The following MAGI1 variants were observed in gnomAD, a reference collection of about 807,000 sequenced individuals.
MAGI1 encodes the protein membrane-associated guanylate kinase, WW and PDZ domain-containing protein 1.
MAGI1 carries 58 observed loss-of-function variants against 139.9 expected under a neutral mutation model. The ratio of observed to expected loss-of-function variants is 0.41; its 90% CI spans 0.34 to 0.52. MAGI1 has a LOEUF of 0.52. MAGI1 is among the 20% of genes least tolerant of loss of function. MAGI1 has a pLI of 0.12. For missense variants in MAGI1, 1,874 were observed against 1,901.6 expected (o/e 0.99, Z 0.27); for synonymous variants, 812 against 737.9 (o/e 1.10, Z -1.63).
intron 1 of MAGI1, among the ~76,000 whole-genome samples, chr3:65,842,796 G>C (rs1266702870): frequency 3.3e-5 from 5 of 152,170 alleles, no homozygotes; most frequent in Non-Finnish European, 7.3e-5. Context: ...GCTTCTCCTG[G>C]AAGGTGAAGT....
At chr3:65,688,484 C>A in intron 1 of MAGI1, 1 of 457,400 alleles carries the variant, frequency 2.2e-6, no homozygotes, top group African/African-American at 2.0e-5. Context: ...CCTTCACTCC[C>A]TTTCCTACCC....
intron 1 of MAGI1, among the ~76,000 whole-genome samples, chr3:65,894,754 C>T (rs1173963229): frequency 6.6e-6 from 1 of 152,168 alleles, no homozygotes; most frequent in African/African-American, 2.4e-5. Context: ...CCATCTGATG[C>T]CAAAACTAAA....
At position 65,381,899 on chromosome 3, in the gene MAGI1, C is replaced by T; in HGVS notation, c.2679G>A (p.Val893=). 2 of 1,613,376 alleles carry T rather than the reference C, an allele frequency of 1.2e-6. No homozygotes were observed. Among genetic ancestry groups the T allele is most frequent in the Non-Finnish European group, 1.7e-6 (2 of 1,179,630 alleles). The change falls in exon 16 of 23, where the codon GTG becomes GTA. Residue 893 remains valine (V), a synonymous_variant. Transcript: ENST00000402939. ...AAKQGHVNLT[V]RRKVVFAVPK... Reference sequence around the variant, plus strand: ...TACCCGCAAAAACCACTTTACGCCGCACCGTGAGATTGACGTGGCCTTGCT... The same window carrying T: ...TACCCGCAAAAACCACTTTACGCCGTACCGTGAGATTGACGTGGCCTTGCT...
At chr3:65,608,725 G>C (rs970900863) in intron 2 of MAGI1, among the ~76,000 whole-genome samples, 2 of 152,122 alleles carry the variant, frequency 1.3e-5, no homozygotes, top group African/African-American at 4.8e-5. Context: ...AAACTATTTG[G>C]CAATATTTAT....
At chr3:65,383,689 G>T in intron 14 of MAGI1, 66 bp from the exon 15 acceptor site, 1 of 953,420 alleles carries the variant, frequency 1.0e-6, no homozygotes. Context: ...CCCCCAAGAT[G>T]AACACAGTTG....
At chr3:65,568,984 GTT>G (rs1164555290) in intron 2 of MAGI1, among the ~76,000 whole-genome samples, 1 of 152,184 alleles carries the variant, frequency 6.6e-6, no homozygotes. Flanking sequence ...GCTGATAAAT[GTT>G]TTGTTTGGCT....
Position 65,587,190 on chromosome 3 carries a change from G to A in MAGI1, c.430+34782C>T, listed in dbSNP as rs534878292. Among the ~76,000 whole-genome samples, 59 of 152,270 alleles carry A rather than the reference G, an allele frequency of 3.9e-4. 1 individual carries two copies. The South Asian group carries it at 0.012, about 31-fold the overall frequency. ...CAGATGCTCCTCGACTCACTTTGGAGTTATGTCCCAATAAACCACTGGTTT... is the reference window on the plus strand; with the variant it reads ...CAGATGCTCCTCGACTCACTTTGGAATTATGTCCCAATAAACCACTGGTTT... On this transcript the variant is annotated intron_variant, in intron 2 of 22. Transcript: ENST00000402939.
At chr3:65,600,100 G>T (rs1052951026) in intron 2 of MAGI1, among the ~76,000 whole-genome samples, 1 of 152,088 alleles carries the variant, frequency 6.6e-6, no homozygotes, top group Non-Finnish European at 1.5e-5. Context: ...ACTTTCAAAA[G>T]CCTTTTGCCA....
intron 1 of MAGI1, among the ~76,000 whole-genome samples, chr3:65,850,145 T>TA (rs1440168115): frequency 2.6e-5 from 4 of 152,040 alleles, no homozygotes; most frequent in Admixed American, 6.6e-5. Flanking sequence ...TTTATATATA[T>TA]AAAAAAATAG....
chr3:65,713,583 C>T (rs2031798747), intron 1 of MAGI1, among the ~76,000 whole-genome samples: 1 of 152,112 alleles, frequency 6.6e-6, no homozygotes, highest in Admixed American at 6.5e-5. Context: ...CTGATTCTAC[C>T]ACTAACCGAG....
chr3:65,430,900 C>T lies in MAGI1; in HGVS notation c.1364-19G>A, dbSNP rs138523509. 1.3e-4 allele frequency: 209 copies of T among 1,609,952 alleles called. No individual in the cohort carries two copies. Among genetic ancestry groups the T allele is most frequent in the East Asian group, 2.2e-4 (10 of 44,678 alleles). ...GGTTTGCCTGGATTAAAATAAGAAA[C>T]GCATAAGGAATGTCACCACTGGTGA... On this transcript the variant is annotated intron_variant, in intron 10 of 22. Coordinates refer to ENST00000402939, the MANE Select transcript of MAGI1 (RefSeq NM_001033057.2).
chr3:65,978,667 T>C (rs2065390997), intron 1 of MAGI1, among the ~76,000 whole-genome samples: 1 of 151,214 alleles, frequency 6.6e-6, no homozygotes, highest in Non-Finnish European at 1.5e-5. Flanking sequence ...TCACTCTTGT[T>C]GCCCAGGCTG....
At chr3:65,411,227 G>A (rs917483214) in intron 12 of MAGI1, among the ~76,000 whole-genome samples, 1 of 152,188 alleles carries the variant, frequency 6.6e-6, no homozygotes, top group African/African-American at 2.4e-5. Context: ...GCATTTAGAA[G>A]TCGGGTCTTG....
intron 2 of MAGI1, among the ~76,000 whole-genome samples, chr3:65,591,946 A>T (rs1243824445): frequency 6.6e-6 from 1 of 151,676 alleles, no homozygotes; most frequent in African/African-American, 2.4e-5. Context: ...TCCACACTCA[A>T]CCCCCTTACT....
intron 1 of MAGI1, among the ~76,000 whole-genome samples, chr3:66,030,923 T>G (rs1400289458): frequency 6.6e-6 from 1 of 152,236 alleles, no homozygotes; most frequent in Non-Finnish European, 1.5e-5. Flanking sequence ...TTCGGAAAAG[T>G]TGACATCCAG....
At chr3:65,468,223 T>C (rs1349988368) in intron 5 of MAGI1, among the ~76,000 whole-genome samples, 2 of 152,132 alleles carry the variant, frequency 1.3e-5, no homozygotes, top group African/African-American at 4.8e-5. Context: ...GACTGCTTCT[T>C]TTATCCTTAT....
At chr3:66,015,224 A>C (rs2067564711) in intron 1 of MAGI1, among the ~76,000 whole-genome samples, 1 of 152,070 alleles carries the variant, frequency 6.6e-6, no homozygotes, top group Non-Finnish European at 1.5e-5. Flanking sequence ...AGAAATACAA[A>C]GACATAATAC....
chr3:66,006,468 G>A (rs1193934202), intron 1 of MAGI1, among the ~76,000 whole-genome samples: 1 of 152,118 alleles, frequency 6.6e-6, no homozygotes, highest in Admixed American at 6.5e-5. Context: ...TTTATGTGTA[G>A]GTATATATGT....
intron 1 of MAGI1, among the ~76,000 whole-genome samples, chr3:65,640,706 C>G (rs934574131): frequency 1.3e-5 from 2 of 152,218 alleles, no homozygotes; most frequent in Non-Finnish European, 1.5e-5. Context: ...ATTCTCTTAA[C>G]TTCCTCTCCG....
Sources: allele counts gnomAD v4.1 joint callset (sites outside exome capture counted in the v4.1 genomes callset), GRCh38; gene constraint gnomAD v4.1.1; transcripts MANE v1.5; gene names NCBI Gene and HGNC (gene_info 2026-07-23, HGNC 2026-07-21).